Variants in TRAF2 observed in about 807,000 individuals in gnomAD.
The protein encoded by TRAF2 is TNF receptor associated factor 2.
Under a neutral mutation model 55.6 loss-of-function variants are expected in TRAF2, and 6 were observed. The ratio of observed to expected loss-of-function variants is 0.11; its 90% confidence interval spans 0.06 to 0.21. TRAF2 has a LOEUF of 0.21. Among genes scored for constraint, TRAF2 ranks in the 10% least tolerant of loss-of-function variants. The pLI is 1.00. For missense variants in TRAF2, 561 were observed against 684.5 expected (o/e 0.82, Z 2.01); for synonymous variants, 329 against 276.3 (o/e 1.19, Z -1.89).
chr9:136,892,505 T>C (rs1849601074), intron 1 of TRAF2, among the ~76,000 whole-genome samples: 2 of 152,032 alleles, frequency 1.3e-5, no homozygotes, highest in East Asian at 1.9e-4. Flanking sequence ...TAAAAACCAA[T>C]GATACTTAAA....
chr9:136,885,691 C>G (rs1305345035), upstream of TRAF2, among the ~76,000 whole-genome samples: 1 of 152,120 alleles, frequency 6.6e-6, no homozygotes, highest in African/African-American at 2.4e-5. Context: ...TCGCTTGAAC[C>G]CGGGAGGCGG....
intron 8 of TRAF2, 149 bp from the exon 9 acceptor site, chr9:136,920,889 G>A (rs1411538691): frequency 8.1e-6 from 8 of 992,834 alleles, no homozygotes; most frequent in Non-Finnish European, 1.0e-5. Flanking sequence ...GGTGGGGTTG[G>A]GTTCTTGTGT....
intron 7 of TRAF2, among the ~76,000 whole-genome samples, chr9:136,919,659 C>T (rs1308360154): frequency 9.7e-6 from 1 of 103,230 alleles, no homozygotes; most frequent in Non-Finnish European, 2.1e-5. Flanking sequence ...TCTGTCCCTC[C>T]CCCTCCTTCT....
Position 136,926,217 on chromosome 9 carries a change from G to T in TRAF2, c.*316G>T. On this transcript the variant is annotated 3_prime_UTR_variant, in exon 11 of 11. Transcript: ENST00000247668. ...CTGTGCAGTGAAGGGAGAGGCCCTG[G>T]GTGGGGGACACTCAGAGTGGGAGCA... The T allele has an allele frequency of 4.2e-6, 2 of 481,540 alleles. No homozygotes were observed. The highest frequency in any genetic ancestry group is 7.9e-6 in the Non-Finnish European group (2 of 253,848). The allele number at this position is 481,540 out of a possible 1,614,324, so 29.8% of individuals were successfully genotyped here. A position where few individuals can be genotyped will look rare whatever the true frequency, so the allele number is the denominator to read the frequency against.
Position 136,926,000 on chromosome 9 carries a change from AG to A in TRAF2, c.*103del. ...CCAGGGTCTCACTGTACAAGTGGGCAGGGGCCGCGCTTGGGCGCTTGGGAGG... is the reference window on the plus strand; with the variant it reads ...CCAGGGTCTCACTGTACAAGTGGGCAGGGCCGCGCTTGGGCGCTTGGGAGG... On this transcript the variant is annotated 3_prime_UTR_variant, in exon 11 of 11. Transcript: ENST00000247668. 6.8e-7 allele frequency: 1 copy of A among 1,463,558 alleles called. No homozygotes were observed. Among genetic ancestry groups the A allele is most frequent in the Admixed American group, 1.7e-5 (1 of 57,848 alleles). 90.7% of individuals were successfully genotyped at this position (1,463,558 alleles called of 1,614,324 possible).
upstream of TRAF2, among the ~76,000 whole-genome samples, chr9:136,884,109 C>T (rs1041922549): frequency 2.0e-5 from 3 of 151,620 alleles, no homozygotes; most frequent in Admixed American, 6.6e-5. Flanking sequence ...CCACCGCGCC[C>T]GGCCTTTTGT....
chr9:136,907,990 G>A (rs915169898), intron 4 of TRAF2, 80 bp from the exon 5 acceptor site: 38 of 1,525,946 alleles, frequency 2.5e-5, no homozygotes, highest in Non-Finnish European at 3.3e-5. Context: ...GCGCTACATC[G>A]CCTTGTGTCC....
intron 4 of TRAF2, among the ~76,000 whole-genome samples, chr9:136,907,859 G>A (rs180898458): frequency 5.3e-5 from 8 of 152,008 alleles, no homozygotes; most frequent in East Asian, 3.9e-4. Flanking sequence ...CTCAGTGTGC[G>A]GTGAAGAGAG....
chr9:136,924,051 G>A (rs1407221623), intron 10 of TRAF2, 51 bp downstream of exon 10: 6 of 1,597,354 alleles, frequency 3.8e-6, no homozygotes, highest in African/African-American at 1.3e-5. Context: ...GAGTCCCTCT[G>A]GGCAGTGCAG....
intron 1 of TRAF2, among the ~76,000 whole-genome samples, chr9:136,887,495 G>A (rs1381760120): frequency 6.6e-6 from 1 of 152,110 alleles, no homozygotes; most frequent in Non-Finnish European, 1.5e-5. Context: ...GCCTCCACTC[G>A]GTGTAGGGCC....
At chr9:136,888,298 A>G (rs113707618) in intron 1 of TRAF2, among the ~76,000 whole-genome samples, 21 of 152,264 alleles carry the variant, frequency 1.4e-4, no homozygotes, top group African/African-American at 4.8e-4. Flanking sequence ...ATCAGGTGCC[A>G]TTGACGCCTG....
At chr9:136,908,005 G>A (rs987856631) in intron 4 of TRAF2, 65 bp from the exon 5 acceptor site, 2 of 1,545,998 alleles carry the variant, frequency 1.3e-6, no homozygotes, top group East Asian at 2.2e-5. Context: ...GTGTCCCCGG[G>A]TGAAGCTGTG....
chr9:136,908,373 G>C, intron 5 of TRAF2, 142 bp downstream of exon 5: 1 of 967,826 alleles, frequency 1.0e-6, no homozygotes, highest in Non-Finnish European at 1.5e-6. Flanking sequence ...CACGCGGGCG[G>C]ATGTTTCTTG....
chr9:136,918,030 C>T (rs1043668249), intron 7 of TRAF2, among the ~76,000 whole-genome samples: 3 of 151,950 alleles, frequency 2.0e-5, no homozygotes, highest in African/African-American at 7.3e-5. Context: ...ACCCCAGGCT[C>T]AGCCAGGGCC....
intron 9 of TRAF2, among the ~76,000 whole-genome samples, chr9:136,921,470 G>A (rs913213778): frequency 2.4e-4 from 36 of 152,224 alleles, no homozygotes; most frequent in African/African-American, 7.0e-4. Context: ...CCCTCGAGGT[G>A]TGCCCCTCGT....
At chr9:136,896,510 C>G (rs371969573) in intron 1 of TRAF2, among the ~76,000 whole-genome samples, 1 of 152,206 alleles carries the variant, frequency 6.6e-6, no homozygotes, top group Non-Finnish European at 1.5e-5. Flanking sequence ...GCGTCTGTGC[C>G]GTGGAAGTTC....
intron 6 of TRAF2, among the ~76,000 whole-genome samples, chr9:136,914,652 G>A (rs1005463464): frequency 2.0e-5 from 3 of 152,174 alleles, no homozygotes; most frequent in East Asian, 1.9e-4. Context: ...ACAGAAAGTC[G>A]TGGTTCCTGT....
At chr9:136,889,169 G>T (rs1409847484) in intron 1 of TRAF2, among the ~76,000 whole-genome samples, 1 of 148,558 alleles carries the variant, frequency 6.7e-6, no homozygotes, top group Non-Finnish European at 1.5e-5. Context: ...GCTTTTTTAC[G>T]TTAAAACTTG....
intron 7 of TRAF2, among the ~76,000 whole-genome samples, chr9:136,919,836 C>A (rs916289431): frequency 7.2e-5 from 11 of 152,116 alleles, no homozygotes; most frequent in African/African-American, 2.4e-4. Context: ...CCACCTCAGC[C>A]TCCTGAGTAG....
Sources: gnomAD v4.1 joint callset for allele counts (sites outside exome capture counted in the v4.1 genomes callset) on GRCh38, gnomAD v4.1.1 for gene constraint, MANE v1.5 for transcripts, NCBI Gene and HGNC (gene_info 2026-07-23, HGNC 2026-07-21) for gene names.